IL31RA: variants seen among roughly 807,000 people sequenced by gnomAD.
IL31RA encodes interleukin-31 receptor subunit alpha.
A neutral mutation model predicts 83.7 loss-of-function variants in IL31RA; 66 were observed. The ratio of observed to expected loss-of-function variants is 0.79; its 90% CI spans 0.65 to 0.97. The LOEUF is 0.97. Among genes scored for constraint, IL31RA ranks in the 50% least tolerant of loss-of-function variants. The pLI is 0.00. For synonymous variants in IL31RA, 325 were observed against 329.0 expected (o/e 0.99, Z 0.13); for missense variants, 798 against 919.4 (o/e 0.87, Z 1.71).
chr5:55,880,928 C>T (rs1196921108), intron 4 of IL31RA, among the ~76,000 whole-genome samples: 2 of 152,068 alleles, frequency 1.3e-5, no homozygotes, highest in African/African-American at 2.4e-5. Flanking sequence ...CTTGCCTCCT[C>T]GGAAGAAAGA....
chr5:55,879,493 C>T (rs1252083159), intron 4 of IL31RA, among the ~76,000 whole-genome samples: 11 of 119,146 alleles, frequency 9.2e-5, no homozygotes, highest in Admixed American at 2.3e-4. Flanking sequence ...AGTGCTGTGG[C>T]GCGATCTTGG....
upstream of IL31RA, among the ~76,000 whole-genome samples, chr5:55,846,397 A>G (rs1041346773): frequency 2.0e-5 from 3 of 152,202 alleles, no homozygotes; most frequent in African/African-American, 7.2e-5. Context: ...AATTGACCCC[A>G]TAATATTTCT....
Position 55,907,467 on chromosome 5 carries a change from A to G in IL31RA, c.1354+7A>G. 1.9e-6 allele frequency: 3 copies of G among 1,577,842 alleles called. No individual in the cohort carries two copies. Among genetic ancestry groups the G allele is most frequent in the East Asian group, 4.5e-5 (2 of 44,746 alleles). On this transcript the variant is annotated splice_region_variant and intron_variant, in intron 10 of 14. Coordinates refer to ENST00000652347, the MANE Select transcript of IL31RA (RefSeq NM_139017.7). ...GCTTATGCCAAAGAAGGCGGTATGAATGGACAAGACCCTGTGGGGAAAAGG... is the reference window on the plus strand; with the variant it reads ...GCTTATGCCAAAGAAGGCGGTATGAGTGGACAAGACCCTGTGGGGAAAAGG...
In IL31RA at chr5:55,922,666, C is replaced by T. The variant is rs1296118233; in HGVS notation, c.*5546C>T. ...AACATGGTTATGGTAATAGGAACAG[C>T]TTTTAAAATGCTTTTGTATTTGGGC... On this transcript the variant is annotated 3_prime_UTR_variant, in exon 15 of 15. Coordinates refer to ENST00000652347, the MANE Select transcript of IL31RA (RefSeq NM_139017.7). 1 of 499,484 alleles carries T rather than the reference C, an allele frequency of 2.0e-6. No homozygotes were observed. Among genetic ancestry groups the T allele is most frequent in the African/African-American group, 1.9e-5 (1 of 51,902 alleles). 30.9% of individuals were successfully genotyped at this position (499,484 alleles called of 1,614,324 possible).
intron 1 of IL31RA, among the ~76,000 whole-genome samples, chr5:55,854,395 T>A (rs1304261701): frequency 6.6e-6 from 1 of 152,192 alleles, no homozygotes; most frequent in Admixed American, 6.5e-5. Context: ...GTTTTTGACT[T>A]AATAAAAATA....
chr5:55,848,350 G>T (rs960774133), upstream of IL31RA, among the ~76,000 whole-genome samples: 3 of 152,158 alleles, frequency 2.0e-5, no homozygotes, highest in East Asian at 1.9e-4. Flanking sequence ...TTTATACTTT[G>T]AATTATAATC....
At chr5:55,916,542 G>A (rs1749790069) in intron 14 of IL31RA, 102 bp from the exon 15 acceptor site, 3 of 965,800 alleles carry the variant, frequency 3.1e-6, no homozygotes, top group Admixed American at 1.7e-5. Flanking sequence ...GGTGGGGGCT[G>A]TTCCAGAGAT....
In IL31RA at chr5:55,907,435, C is replaced by T. The variant is rs1376702228; in HGVS notation, c.1329C>T (p.Ser443=). 4 of 1,612,438 alleles carry T rather than the reference C, an allele frequency of 2.5e-6. No homozygotes were observed. Among genetic ancestry groups the T allele is most frequent in the African/African-American group, 1.3e-5 (1 of 75,010 alleles). Residue 443 remains serine (S), a synonymous_variant, in exon 10 of 15, where the codon TCC becomes TCT. Coordinates refer to ENST00000652347, the MANE Select transcript of IL31RA (RefSeq NM_139017.7). ...ATGACAAAGTTGGCGAGCCATATTC[C>T]ATCCAGGCTTATGCCAAAGAAGGCG... ...MLHDKVGEPY[S]IQAYAKEGVP... is the part of the protein sequence containing the mutation.
At position 55,921,075 on chromosome 5, in the gene IL31RA, G is replaced by A. The variant is rs1451280140; in HGVS notation, c.*3955G>A. 2.6e-5 allele frequency among the ~76,000 whole-genome samples: 4 copies of A among 152,138 alleles called. No homozygotes were observed. The highest frequency in any genetic ancestry group is 1.9e-4 in the East Asian group (1 of 5,192). ...TCAGCAGTGCTGAGGCTGAGAAGTC[G>A]TGGCCTGAACTACCCTCTGCCTTCT... On this transcript the variant is annotated 3_prime_UTR_variant, in exon 15 of 15. Coordinates refer to ENST00000652347, the MANE Select transcript of IL31RA (RefSeq NM_139017.7).
At chr5:55,846,079 G>T in the IL31RA span, among the ~76,000 whole-genome samples, 13 of 152,272 alleles carry the variant, frequency 8.5e-5, no homozygotes, top group African/African-American at 3.1e-4. Context: ...CCCTGGTACT[G>T]GTTCCTGTGG....
rs776045871 is a variant in IL31RA at position 55,890,048 on chromosome 5, T to A, written c.685T>A (p.Tyr229Asn). The change falls in exon 6 of 15, where the codon TAT (tyrosine) becomes AAT (asparagine). Residue 229 changes from tyrosine to asparagine, a missense_variant. Transcript: ENST00000652347. ...CACGGGGCTGCAGCCTTTTACAGAATATGTCATAGCTCTGCGATGTGCGGT... is the reference window on the plus strand; with the variant it reads ...CACGGGGCTGCAGCCTTTTACAGAAAATGTCATAGCTCTGCGATGTGCGGT... Reference protein sequence around the residue: ...NLTGLQPFTEYVIALRCAVKE... With the variant: ...NLTGLQPFTENVIALRCAVKE... 1.2e-6 allele frequency: 2 copies of A among 1,614,052 alleles called. No individual in the cohort carries two copies. Among genetic ancestry groups the A allele is most frequent in the Non-Finnish European group, 1.7e-6 (2 of 1,179,952 alleles).
chr5:55,907,893 T>C (rs1035600735), intron 10 of IL31RA, among the ~76,000 whole-genome samples: 1 of 152,240 alleles, frequency 6.6e-6, no homozygotes, highest in Non-Finnish European at 1.5e-5. Context: ...TTTTTGGAAG[T>C]TCATGTCTTC....
rs779846814 is a variant in IL31RA at position 55,867,193 on chromosome 5, G to GTGTGCA, written c.155-1594_155-1593insCATGTG. On this transcript the variant is annotated intron_variant, in intron 2 of 14. Coordinates refer to ENST00000652347, the MANE Select transcript of IL31RA (RefSeq NM_139017.7). Reference sequence around the variant, plus strand: ...CATGTGTGTGTGCATGTGTGTTTGTGTGTGTTTGTGTGTGTGCGCATGTGT... The same window carrying GTGTGCA: ...CATGTGTGTGTGCATGTGTGTTTGTGTGTGCATGTGTTTGTGTGTGTGCGCATGTGT... Among the ~76,000 whole-genome samples the GTGTGCA allele has an allele frequency of 1.4e-3, 58 of 41,748 alleles. 3 individuals are homozygous for GTGTGCA. The highest frequency in any genetic ancestry group is 1.1e-3 in the Non-Finnish European group (20 of 17,740). 27.4% of individuals were successfully genotyped at this position (41,748 alleles called of 152,430 possible). A position where few individuals can be genotyped will look rare whatever the true frequency, so the allele number is the denominator to read the frequency against.
At chr5:55,840,123 A>T in the IL31RA span, 1 of 309,660 alleles carries the variant, frequency 3.2e-6, no homozygotes, top group South Asian at 3.5e-5. Flanking sequence ...GGTAGACTTT[A>T]CTAGTATCTA....
chr5:55,922,329 C>A lies in IL31RA; in HGVS notation c.*5209C>A. The stretch of plus-strand genomic sequence containing the variant: ...GAACTCCACAAGAGGGCAAAACCTG[C>A]TGTCAGCAATGCTCTCGTGGCTGTT... On this transcript the variant is annotated 3_prime_UTR_variant, in exon 15 of 15. Coordinates refer to ENST00000652347, the MANE Select transcript of IL31RA (RefSeq NM_139017.7). 1 of 1,382,526 alleles carries A rather than the reference C, an allele frequency of 7.2e-7. No homozygotes were observed. Among genetic ancestry groups the A allele is most frequent in the Non-Finnish European group, 1.0e-6 (1 of 993,302 alleles). 85.6% of individuals were successfully genotyped at this position (1,382,526 alleles called of 1,614,324 possible). A position where few individuals can be genotyped will look rare whatever the true frequency, so the allele number is the denominator to read the frequency against.
intron 2 of IL31RA, among the ~76,000 whole-genome samples, chr5:55,867,206 T>TGC (rs754987288): frequency 0.018 from 1,667 of 92,354 alleles, 78 homozygotes; most frequent in Middle Eastern, 0.067. Flanking sequence ...TGTTTGTGTG[T>TGC]GTGCGCATGT....
chr5:55,883,345 T>A (rs887346138), intron 5 of IL31RA, 150 bp downstream of exon 5: 1 of 798,798 alleles, frequency 1.3e-6, no homozygotes, highest in African/African-American at 1.7e-5. Flanking sequence ...CAGTTTTCCA[T>A]TTTTCCATCT....
Position 55,922,057 on chromosome 5 carries a change from G to GGT in IL31RA, c.*4938_*4939insTG, listed in dbSNP as rs1554020977. On this transcript the variant is annotated 3_prime_UTR_variant, in exon 15 of 15. Coordinates refer to ENST00000652347, the MANE Select transcript of IL31RA (RefSeq NM_139017.7). ...GTCTTGCACTCTTATGTTGTGGCGG[G>GGT]GGGGGGGGGCGGTTCCTGAAGAGTG... is the stretch of plus-strand genomic sequence containing the variant. 9.1e-5 allele frequency among the ~76,000 whole-genome samples: 5 copies of GGT among 54,816 alleles called. No homozygotes were observed. The highest frequency in any genetic ancestry group is 3.8e-4 in the African/African-American group (5 of 13,002). The allele number at this position is 54,816 out of a possible 152,430, so 36.0% of individuals were successfully genotyped here. A position where few individuals can be genotyped will look rare whatever the true frequency, so the allele number is the denominator to read the frequency against.
intron 7 of IL31RA, among the ~76,000 whole-genome samples, chr5:55,897,897 G>A (rs977700407): frequency 2.6e-5 from 4 of 152,214 alleles, no homozygotes; most frequent in African/African-American, 7.2e-5. Flanking sequence ...GTCCAGGCAA[G>A]TTCAAAATCC....
Sources: allele counts gnomAD v4.1 joint callset (sites outside exome capture counted in the v4.1 genomes callset), GRCh38; gene constraint gnomAD v4.1.1; transcripts MANE v1.5; gene names NCBI Gene and HGNC (gene_info 2026-07-23, HGNC 2026-07-21).